USP34: variants seen among roughly 807,000 people sequenced by gnomAD.
The protein encoded by USP34 is ubiquitin carboxyl-terminal hydrolase 34.
Under a neutral mutation model 460.3 loss-of-function variants are expected in USP34, and 70 were observed. The observed-to-expected ratio is 0.15, with a 90% CI of 0.13 to 0.19. USP34 has a LOEUF of 0.19. Among genes scored for constraint, USP34 ranks in the 10% least tolerant of loss-of-function variants. The probability of loss-of-function intolerance (pLI) is 1.00; values close to 1 mark genes in which losing one functional copy is unlikely to be tolerated. For synonymous variants in USP34, 1,647 were observed against 1,405.3 expected, an observed-to-expected ratio of 1.17 and a Z score of -3.85; for missense variants, 3,985 against 4,236.2, an observed-to-expected ratio of 0.94 and a Z score of 1.65.
intron 2 of USP34, among the ~76,000 whole-genome samples, chr2:61,407,456 C>G (rs1248613788): frequency 1.3e-5 from 2 of 152,158 alleles, no homozygotes; most frequent in Admixed American, 1.3e-4. Context: ...GACAGCTAAG[C>G]AACTATAATT....
intron 70 of USP34, 121 bp from the exon 71 acceptor site, chr2:61,207,007 G>A (rs750513543): frequency 1.9e-6 from 2 of 1,059,494 alleles, no homozygotes; most frequent in African/African-American, 1.6e-5. Context: ...GCACATGTGT[G>A]CAAAGCAAAC....
intron 2 of USP34, 54 bp from the exon 3 acceptor site, chr2:61,406,182 TTAA>T: frequency 7.3e-7 from 1 of 1,376,978 alleles, no homozygotes; most frequent in Non-Finnish European, 9.6e-7. Context: ...GCTGTATTTT[TTAA>T]TAATATAAAA....
chr2:61,322,884 G>A (rs1232877542), intron 21 of USP34, among the ~76,000 whole-genome samples: 8 of 152,084 alleles, frequency 5.3e-5, no homozygotes, highest in Non-Finnish European at 1.0e-4. Flanking sequence ...GTTAATTATA[G>A]TCAACTAAAT....
intron 1 of USP34, among the ~76,000 whole-genome samples, chr2:61,446,654 G>A (rs535602326): frequency 6.6e-6 from 1 of 152,042 alleles, no homozygotes; most frequent in Non-Finnish European, 1.5e-5. Flanking sequence ...AAATTAGCCA[G>A]GTGTAGTGGT....
intron 1 of USP34, among the ~76,000 whole-genome samples, chr2:61,425,882 T>C (rs1051801013): frequency 6.6e-6 from 1 of 151,504 alleles, no homozygotes; most frequent in African/African-American, 2.4e-5. Flanking sequence ...CTTCCTTCTG[T>C]TTGAGGAGAG....
chr2:61,444,226 G>A (rs1356477337), intron 1 of USP34, among the ~76,000 whole-genome samples: 1 of 152,074 alleles, frequency 6.6e-6, no homozygotes, highest in Admixed American at 6.6e-5. Flanking sequence ...CAGCCTGGGT[G>A]ACAGAGCAAA....
rs1199303904 is a variant in USP34 at position 61,293,537 on chromosome 2, C to T, written c.4475G>A (p.Gly1492Glu). Residue 1492 changes from glycine (G) to glutamate (E), a missense_variant, in exon 33 of 80, where the codon GGA becomes GAA. Transcript: ENST00000398571. ...NSWSCKFVAA[G>E]GLQQLLEIFN... ...AATTTCTAATAACTGTTGAAGCCCTCCAGCAGCAACAAACTGTAGGCAATT... is the reference window on the plus strand; with the variant it reads ...AATTTCTAATAACTGTTGAAGCCCTTCAGCAGCAACAAACTGTAGGCAATT... 3.1e-6 allele frequency: 5 copies of T among 1,611,696 alleles called. No homozygotes were observed. The African/African-American group carries it at 6.7e-5, about 22-fold the overall frequency.
At chr2:61,209,056 T>G (rs1457200774) in intron 69 of USP34, 79 bp from the exon 70 acceptor site, 6 of 865,006 alleles carry the variant, frequency 6.9e-6, no homozygotes, top group African/African-American at 6.9e-5. Context: ...TAAAAAGAAA[T>G]AAAATCATCA....
chr2:61,383,996 C>T (rs1693057779), intron 5 of USP34, among the ~76,000 whole-genome samples: 1 of 152,126 alleles, frequency 6.6e-6, no homozygotes, highest in South Asian at 2.1e-4. Flanking sequence ...ATACAAGGCA[C>T]TGTATTAGTT....
At chr2:61,415,892 T>C (rs1346850686) in intron 2 of USP34, among the ~76,000 whole-genome samples, 1 of 152,212 alleles carries the variant, frequency 6.6e-6, no homozygotes, top group Admixed American at 6.5e-5. Context: ...ATGATAAAAA[T>C]TTCTAAATGC....
intron 1 of USP34, among the ~76,000 whole-genome samples, chr2:61,451,151 G>A (rs1040764839): frequency 1.5e-5 from 2 of 136,866 alleles, no homozygotes; most frequent in Admixed American, 1.6e-4. Context: ...AACCCGAGAG[G>A]TGGAAGTTGC....
rs1686500433 is a variant in USP34, at chr2:61,188,195, T to A, written c.10548A>T (p.Gln3516His). Residue 3516 changes from glutamine (Q) to histidine (H), a missense_variant, in exon 80 of 80, where the codon CAA becomes CAT. Gln to His is a conservative substitution (Grantham distance 24). Around this residue, in one of 14 missense-constraint regions of USP34, gnomAD observed 506 missense variants for 439.0 expected, o/e 1.15. Coordinates refer to ENST00000398571, the MANE Select transcript of USP34 (RefSeq NM_014709.4). ...HSRGLFSHMQ[Q>H]HDILDTLCRT... ...TACACAGGGTATCTAAAATGTCATG[T>A]TGCTGCATATGACTAAAGAGTCCTC... 1 of 1,614,098 alleles carries A rather than the reference T, an allele frequency of 6.2e-7. No individual in the cohort carries two copies. The highest frequency in any genetic ancestry group is 1.7e-5 in the Admixed American group (1 of 60,006).
chr2:61,244,727 T>C (rs1431816820), intron 51 of USP34, among the ~76,000 whole-genome samples: 2 of 152,116 alleles, frequency 1.3e-5, no homozygotes, highest in African/African-American at 2.4e-5. Flanking sequence ...TAAAAAGCAC[T>C]GAAAGAACAA....
intron 41 of USP34, among the ~76,000 whole-genome samples, chr2:61,266,880 A>G (rs1689064532): frequency 3.3e-5 from 5 of 152,128 alleles, no homozygotes; most frequent in Admixed American, 2.6e-4. Context: ...CATTGATACA[A>G]AACTCTCTAA....
At chr2:61,465,499 T>A (rs779980594) in intron 1 of USP34, among the ~76,000 whole-genome samples, 3 of 152,220 alleles carry the variant, frequency 2.0e-5, no homozygotes, top group Non-Finnish European at 4.4e-5. Context: ...TCTGTGCATA[T>A]CTAATACAAA....
At chr2:61,296,554 A>G (rs1272504541) in intron 30 of USP34, among the ~76,000 whole-genome samples, 4 of 152,204 alleles carry the variant, frequency 2.6e-5, no homozygotes, top group Admixed American at 2.6e-4. Flanking sequence ...ACTAATATAA[A>G]ATGTCAATAA....
chr2:61,195,000 G>T (rs1686757001), intron 75 of USP34, among the ~76,000 whole-genome samples: 1 of 149,854 alleles, frequency 6.7e-6, no homozygotes, highest in African/African-American at 2.5e-5. Context: ...GACTCACGCT[G>T]GTAATCCCGG....
At chr2:61,321,596 C>G (rs1690925344) in intron 21 of USP34, among the ~76,000 whole-genome samples, 1 of 152,292 alleles carries the variant, frequency 6.6e-6, no homozygotes, top group East Asian at 1.9e-4. Context: ...CCAATATAGC[C>G]AGAAACACAA....
In USP34 at chr2:61,267,428, G is replaced by C. The variant is rs1007480849; in HGVS notation, c.5434-1261C>G. ...ACGTTAAGTTTAGCTAGGAAATATG[G>C]AAAGTGGTTAGGAGATTTTTTTTTT... is the stretch of plus-strand genomic sequence containing the variant. On this transcript the variant is annotated intron_variant, in intron 41 of 79. Coordinates refer to ENST00000398571, the MANE Select transcript of USP34 (RefSeq NM_014709.4). Among the ~76,000 whole-genome samples the C allele has an allele frequency of 2.0e-5, 3 of 151,918 alleles. No homozygotes were observed. The East Asian group carries it at 5.8e-4, about 29-fold the overall frequency.
Sources: gnomAD v4.1 joint callset for allele counts (sites outside exome capture counted in the v4.1 genomes callset) on GRCh38, gnomAD v4.1.1 for gene constraint, gnomAD v4.1.1 regional missense constraint, MANE v1.5 for transcripts, NCBI Gene and HGNC (gene_info 2026-07-23, HGNC 2026-07-21) for gene names.